Variants in DHX15 observed in about 807,000 individuals in gnomAD.
The protein encoded by DHX15 is ATP-dependent RNA helicase DHX15.
Under a neutral mutation model 94.4 loss-of-function variants are expected in DHX15, and 11 were observed. The observed-to-expected ratio is 0.12, with a 90% confidence interval of 0.07 to 0.19. The LOEUF (loss-of-function observed/expected upper bound fraction) is 0.19, where lower values mean the gene tolerates loss of function less well. Ranked by LOEUF, DHX15 falls within the 10% of genes least tolerant of loss-of-function variation. The pLI, the probability that DHX15 is intolerant of heterozygous loss-of-function variation, is 1.00. For synonymous variants in DHX15, 338 were observed against 329.9 expected (o/e 1.02, Z -0.27); for missense variants, 304 against 988.5 (o/e 0.31, Z 9.29).
rs1010976694 is a variant in DHX15 at position 24,537,868 on chromosome 4, A to G, written c.1787-695T>C. 1 of 152,224 alleles carries G rather than the reference A, an allele frequency of 6.6e-6. No homozygotes were observed. The highest frequency in any genetic ancestry group is 1.5e-5 in the Non-Finnish European group (1 of 68,030). 9.4% of individuals were successfully genotyped at this position (152,224 alleles called of 1,614,324 possible). ...AGTGTTTCAGCATTTTAACAAAAGG[A>G]TTAGAAAATAAAGTCCCAAATTTAA... On this transcript the variant is annotated intron_variant, in intron 10 of 13. Coordinates refer to ENST00000336812, the MANE Select transcript of DHX15 (RefSeq NM_001358.3). This position sits in a 1 kb window ranked among gnomAD's most constrained non-coding sequence, Gnocchi z 4.7.
rs558455352 is a variant in DHX15, at chr4:24,556,044, T to C, written c.861+207A>G. Among the ~76,000 whole-genome samples, 15 of 152,224 alleles carry C rather than the reference T, an allele frequency of 9.9e-5. 1 individual carries two copies. The South Asian group carries it at 2.5e-3, about 25-fold the overall frequency. ...CTAGGTGGGTTACAAATTGAGAAGA[T>C]TGGGCTTAAAAATGCATTACTATAA... On this transcript the variant is annotated intron_variant, in intron 4 of 13. Transcript: ENST00000336812.
Position 24,554,795 on chromosome 4 carries a change from C to A in DHX15, c.1010G>T (p.Arg337Leu). Residue 337 changes from arginine (R) to leucine (L), a missense_variant, in exon 5 of 14, where the codon CGA (arginine) becomes CTA (leucine). Physicochemically the swap from Arg to Leu is moderately radical, Grantham distance 102 (BLOSUM62 -2). This residue lies in a region of DHX15 where 40 missense variants were observed against 107.1 expected (regional missense o/e 0.37). Coordinates refer to ENST00000336812, the MANE Select transcript of DHX15 (RefSeq NM_001358.3). ...ACACATATGAATCTGGATAACTGTT[C>A]GAATTGCTGCTTCAAGATAATCTCT... is the stretch of plus-strand genomic sequence containing the variant. ...PERDYLEAAI[R>L]TVIQIHMCEE... 1 of 1,613,722 alleles carries A rather than the reference C, an allele frequency of 6.2e-7. No homozygotes were observed. The highest frequency in any genetic ancestry group is 1.1e-5 in the South Asian group (1 of 91,048).
At chr4:24,562,696 C>G (rs1721909040) in intron 3 of DHX15, among the ~76,000 whole-genome samples, 1 of 152,198 alleles carries the variant, frequency 6.6e-6, no homozygotes, top group Non-Finnish European at 1.5e-5. Context: ...GTAATATACA[C>G]ATAATCCTGT....
intron 12 of DHX15, among the ~76,000 whole-genome samples, chr4:24,532,458 T>G (rs1189190192): frequency 6.6e-6 from 1 of 152,228 alleles, no homozygotes; most frequent in Non-Finnish European, 1.5e-5. Context: ...TTCCTTTTAG[T>G]ACTCTGTTAT....
intron 5 of DHX15, among the ~76,000 whole-genome samples, chr4:24,551,656 T>C (rs1361956903): frequency 6.6e-6 from 1 of 152,194 alleles, no homozygotes; most frequent in Non-Finnish European, 1.5e-5. Context: ...TCAAATGTTG[T>C]ATCTAGATTA....
rs1465837153 is a variant in DHX15 at position 24,540,967 on chromosome 4, A to G, written c.1486-19T>C. 6.8e-7 allele frequency: 1 copy of G among 1,479,998 alleles called. No homozygotes were observed. Among genetic ancestry groups the G allele is most frequent in the Non-Finnish European group, 9.3e-7 (1 of 1,071,204 alleles). The allele number at this position is 1,479,998 out of a possible 1,614,324, so 91.7% of individuals were successfully genotyped here. Reference sequence around the variant, plus strand: ...TGTTATCCTAGCAAAGAACAAAAACATTTATTGGTTATGTTAAAAATGCCT... The same window carrying G: ...TGTTATCCTAGCAAAGAACAAAAACGTTTATTGGTTATGTTAAAAATGCCT... On this transcript the variant is annotated intron_variant, in intron 8 of 13. Transcript: ENST00000336812.
chr4:24,575,689 T>C (rs899238682), intron 2 of DHX15, among the ~76,000 whole-genome samples: 6 of 152,072 alleles, frequency 3.9e-5, no homozygotes, highest in Admixed American at 2.0e-4. Flanking sequence ...AAAACAACCA[T>C]GGGAAACAGT....
At chr4:24,551,144 C>T (rs931826119) in intron 5 of DHX15, among the ~76,000 whole-genome samples, 1 of 152,086 alleles carries the variant, frequency 6.6e-6, no homozygotes, top group African/African-American at 2.4e-5. Context: ...CTGGGAGAGG[C>T]AAAGGAACTT....
At chr4:24,557,674 C>G (rs1010244439) in intron 3 of DHX15, among the ~76,000 whole-genome samples, 7 of 152,100 alleles carry the variant, frequency 4.6e-5, no homozygotes, top group African/African-American at 1.7e-4. Flanking sequence ...GGACAAACAG[C>G]ATTAGCTATA....
At chr4:24,569,443 T>A (rs1482887762) in intron 3 of DHX15, among the ~76,000 whole-genome samples, 4 of 151,854 alleles carry the variant, frequency 2.6e-5, no homozygotes, top group Non-Finnish European at 4.4e-5. Context: ...ATACAAAAAG[T>A]TAGCCAGGCA....
At chr4:24,557,114 A>G (rs928377434) in intron 3 of DHX15, among the ~76,000 whole-genome samples, 1 of 152,146 alleles carries the variant, frequency 6.6e-6, no homozygotes, top group South Asian at 2.1e-4. Context: ...GAAGGCTGCT[A>G]ATATGGACTC....
At chr4:24,580,384 GA>G (rs1300443507) in intron 1 of DHX15, among the ~76,000 whole-genome samples, 2 of 152,028 alleles carry the variant, frequency 1.3e-5, no homozygotes, top group Non-Finnish European at 2.9e-5. Flanking sequence ...TCCAGCCTGG[GA>G]AACAGAGGAA....
chr4:24,534,189 T>G (rs1436482050), intron 11 of DHX15: 2 of 152,184 alleles, frequency 1.3e-5, no homozygotes, highest in Non-Finnish European at 2.9e-5. Context: ...GCCATTGACA[T>G]TTAAATCAAA....
At chr4:24,562,050 C>T (rs771678234) in intron 3 of DHX15, among the ~76,000 whole-genome samples, 6 of 147,374 alleles carry the variant, frequency 4.1e-5, no homozygotes, top group South Asian at 2.2e-4. Flanking sequence ...AGAATCGAAT[C>T]GCTTGAACCC....
At chr4:24,567,690 G>A (rs979484165) in intron 3 of DHX15, among the ~76,000 whole-genome samples, 1 of 152,062 alleles carries the variant, frequency 6.6e-6, no homozygotes, top group Non-Finnish European at 1.5e-5. Flanking sequence ...ATGAATCAAG[G>A]TATTTTACAC....
At chr4:24,575,348 G>GA (rs767908701) in intron 2 of DHX15, among the ~76,000 whole-genome samples, 4 of 152,036 alleles carry the variant, frequency 2.6e-5, no homozygotes, top group Non-Finnish European at 5.9e-5. Flanking sequence ...ATACTTTCCT[G>GA]AATTTTTCAA....
At chr4:24,556,207 C>T in intron 4 of DHX15, 44 bp downstream of exon 4, 1 of 1,566,710 alleles carries the variant, frequency 6.4e-7, no homozygotes, top group Non-Finnish European at 8.7e-7. Context: ...TTTATGCCCA[C>T]ATACACACAT....
rs111855704 is a variant in DHX15, at chr4:24,546,202, C to T, written c.1248+2653G>A. 3.8e-3 allele frequency among the ~76,000 whole-genome samples: 578 copies of T among 152,286 alleles called. 8 individuals are homozygous for T. Among genetic ancestry groups the T allele is most frequent in the African/African-American group, 0.013 (554 of 41,570 alleles). ...TATTTGCTTATAAACATCCCAGCAG[C>T]ACCACAGTAAGCTATCTTCAGATCC... On this transcript the variant is annotated intron_variant, in intron 6 of 13. Coordinates refer to ENST00000336812, the MANE Select transcript of DHX15 (RefSeq NM_001358.3).
chr4:24,542,801 G>T, intron 7 of DHX15, 139 bp downstream of exon 7: 1 of 594,756 alleles, frequency 1.7e-6, no homozygotes, highest in South Asian at 2.5e-5. Flanking sequence ...AAAACATAAA[G>T]GGTTCATACA....
Sources: gnomAD v4.1 joint callset for allele counts (sites outside exome capture counted in the v4.1 genomes callset) on GRCh38, gnomAD v4.1.1 for gene constraint, gnomAD v4.1.1 regional missense constraint, Gnocchi (gnomAD v3.1) non-coding constraint, MANE v1.5 for transcripts, NCBI Gene and HGNC (gene_info 2026-07-23, HGNC 2026-07-21) for gene names.